Variants in WWP1 observed in about 807,000 individuals in gnomAD.
WWP1 encodes NEDD4-like E3 ubiquitin-protein ligase WWP1.
WWP1 carries 49 observed loss-of-function variants against 130.6 expected under a neutral mutation model. The observed-to-expected ratio is 0.38, with a 90% CI of 0.30 to 0.48. The LOEUF (loss-of-function observed/expected upper bound fraction) is 0.48, where lower values mean the gene tolerates loss of function less well. Among genes scored for constraint, WWP1 ranks in the 20% least tolerant of loss-of-function variants. The pLI is 0.99. For missense variants in WWP1, 809 were observed against 1,100.6 expected (o/e 0.74, Z 3.75); for synonymous variants, 332 against 367.8 (o/e 0.90, Z 1.11).
chr8:86,416,101 T>G (rs184803858), intron 9 of WWP1, among the ~76,000 whole-genome samples: 5 of 152,332 alleles, frequency 3.3e-5, no homozygotes, highest in Admixed American at 3.3e-4. Context: ...CTCATTGAAC[T>G]TAATTACAAA....
intron 3 of WWP1, among the ~76,000 whole-genome samples, chr8:86,374,404 G>C (rs1438613185): frequency 5.3e-5 from 8 of 152,124 alleles, no homozygotes; most frequent in Non-Finnish European, 1.2e-4. Context: ...TGATTAATAG[G>C]ATGGAGCAGG....
chr8:86,390,180 G>A lies in WWP1; in HGVS notation c.335-8162G>A, dbSNP rs554683835. Among the ~76,000 whole-genome samples, 20 of 151,306 alleles carry A rather than the reference G, an allele frequency of 1.3e-4. No individual in the cohort carries two copies. In the East Asian group the frequency reaches 3.3e-3, roughly 25 times the overall value. The stretch of plus-strand genomic sequence containing the variant: ...CTCCTCACTTCCTAGACGGGATGGC[G>A]GCCAGGAAGAGGCGCTCCTCACTTC... On this transcript the variant is annotated intron_variant, in intron 5 of 24. Coordinates refer to ENST00000517970, the MANE Select transcript of WWP1 (RefSeq NM_007013.4).
At chr8:86,434,134 A>G (rs904862405) in intron 14 of WWP1, among the ~76,000 whole-genome samples, 1 of 152,176 alleles carries the variant, frequency 6.6e-6, no homozygotes, top group African/African-American at 2.4e-5. Context: ...CACACCTTGT[A>G]CAATGTTGTT....
chr8:86,455,156 A>G (rs1811368786), intron 21 of WWP1, among the ~76,000 whole-genome samples: 1 of 152,076 alleles, frequency 6.6e-6, no homozygotes, highest in African/African-American at 2.4e-5. Flanking sequence ...TTACCACACT[A>G]GGAATATAAG....
intron 1 of WWP1, among the ~76,000 whole-genome samples, chr8:86,350,310 A>G (rs148518905): frequency 9.8e-5 from 15 of 152,292 alleles, no homozygotes; most frequent in South Asian, 8.3e-4. Flanking sequence ...AAGTAATGCC[A>G]TGGTTAAAGG....
At position 86,390,132 on chromosome 8, in the gene WWP1, C is replaced by T. The variant is rs552676928; in HGVS notation, c.335-8210C>T. 4.4e-4 allele frequency among the ~76,000 whole-genome samples: 65 copies of T among 148,314 alleles called. 2 individuals carry two copies. Among genetic ancestry groups the T allele is most frequent in the Admixed American group, 3.5e-3 (52 of 14,934 alleles). Reference sequence around the variant, plus strand: ...GCAGAGGCGCTCCCCACATCTCAGACGATGGGCAGCCGGGCAGACACGCTC... The same window carrying T: ...GCAGAGGCGCTCCCCACATCTCAGATGATGGGCAGCCGGGCAGACACGCTC... On this transcript the variant is annotated intron_variant, in intron 5 of 24. Coordinates refer to ENST00000517970, the MANE Select transcript of WWP1 (RefSeq NM_007013.4).
At chr8:86,403,036 A>G (rs1270775999) in intron 8 of WWP1, among the ~76,000 whole-genome samples, 1 of 152,168 alleles carries the variant, frequency 6.6e-6, no homozygotes, top group Admixed American at 6.5e-5. Context: ...TCCTTAGTGG[A>G]CTCATTTATA....
Position 86,465,778 on chromosome 8 carries a change from C to T in WWP1, c.2670-1016C>T, listed in dbSNP as rs149806457. On this transcript the variant is annotated intron_variant, in intron 24 of 24. Coordinates refer to ENST00000517970, the MANE Select transcript of WWP1 (RefSeq NM_007013.4). ...TTTTTTTTCTGACCTTGTTATCATA[C>T]TCTACCTTGAAGTATAAAGGGGAGG... Among the ~76,000 whole-genome samples, 178 of 152,214 alleles carry T rather than the reference C, an allele frequency of 1.2e-3. 2 individuals are homozygous for T. Among genetic ancestry groups the T allele is most frequent in the Middle Eastern group, 0.01 (3 of 294 alleles).
chr8:86,395,439 T>G (rs1224470647), intron 5 of WWP1, among the ~76,000 whole-genome samples: 1 of 152,060 alleles, frequency 6.6e-6, no homozygotes, highest in Non-Finnish European at 1.5e-5. Flanking sequence ...GGCTGCAGGT[T>G]TTTGAACACT....
intron 9 of WWP1, among the ~76,000 whole-genome samples, chr8:86,422,362 TA>T (rs1283133418): frequency 6.8e-6 from 1 of 148,078 alleles, no homozygotes; most frequent in African/African-American, 2.5e-5. Context: ...TATTTATTTA[TA>T]TTTTATTTTA....
At chr8:86,428,617 G>A (rs953235300) in intron 11 of WWP1, among the ~76,000 whole-genome samples, 6 of 152,100 alleles carry the variant, frequency 3.9e-5, no homozygotes, top group Non-Finnish European at 7.4e-5. Context: ...AGGTTAAATA[G>A]TAAGTTCTCA....
intron 3 of WWP1, among the ~76,000 whole-genome samples, chr8:86,378,645 A>G (rs1276864618): frequency 1.3e-5 from 2 of 152,178 alleles, no homozygotes; most frequent in Non-Finnish European, 2.9e-5. Flanking sequence ...TTAAAATCAC[A>G]TTATTTATAT....
chr8:86,438,434 G>C, intron 16 of WWP1, 151 bp from the exon 17 acceptor site: 2 of 569,326 alleles, frequency 3.5e-6, no homozygotes, highest in Non-Finnish European at 5.8e-6. Flanking sequence ...CATCTAGTTT[G>C]TGAAAGAAAC....
intron 8 of WWP1, among the ~76,000 whole-genome samples, chr8:86,404,127 G>A (rs11994509): frequency 1.3e-5 from 2 of 152,180 alleles, no homozygotes; most frequent in Admixed American, 6.5e-5. Context: ...GGAAATGCTC[G>A]TTGGAGCATT....
At chr8:86,371,565 T>G (rs1824300160) in intron 2 of WWP1, among the ~76,000 whole-genome samples, 1 of 152,230 alleles carries the variant, frequency 6.6e-6, no homozygotes, top group African/African-American at 2.4e-5. Context: ...CTGTGTGGTT[T>G]GTATTTCTCT....
intron 5 of WWP1, among the ~76,000 whole-genome samples, chr8:86,383,139 T>C (rs1202730786): frequency 6.6e-6 from 1 of 151,750 alleles, no homozygotes. Context: ...ACTTTTTCTT[T>C]TTCTTAAAGC....
At chr8:86,395,918 AT>A (rs1357266428) in intron 5 of WWP1, among the ~76,000 whole-genome samples, 1 of 152,154 alleles carries the variant, frequency 6.6e-6, no homozygotes, top group African/African-American at 2.4e-5. Flanking sequence ...CACTAAAGAG[AT>A]TTTAAAAGGC....
chr8:86,437,418 A>C (rs1404458049), intron 16 of WWP1, among the ~76,000 whole-genome samples: 1 of 152,258 alleles, frequency 6.6e-6, no homozygotes, highest in Non-Finnish European at 1.5e-5. Flanking sequence ...GATGCAGAAC[A>C]AAGTCTTTTG....
At chr8:86,391,415 A>G (rs547438558) in intron 5 of WWP1, among the ~76,000 whole-genome samples, 2 of 152,216 alleles carry the variant, frequency 1.3e-5, no homozygotes, top group Non-Finnish European at 2.9e-5. Context: ...GATGTGTGGT[A>G]TTTTTAGCTT....
Sources: gnomAD v4.1 joint callset for allele counts (sites outside exome capture counted in the v4.1 genomes callset) on GRCh38, gnomAD v4.1.1 for gene constraint, MANE v1.5 for transcripts, NCBI Gene and HGNC (gene_info 2026-07-23, HGNC 2026-07-21) for gene names.